The following RBFOX1 variants were observed in gnomAD, a reference collection of about 807,000 sequenced individuals.
RBFOX1 encodes the protein RNA binding protein fox-1 homolog 1.
RBFOX1 carries 8 observed loss-of-function variants against 57.7 expected under a neutral mutation model. The ratio of observed to expected loss-of-function variants is 0.14; its 90% confidence interval spans 0.08 to 0.25. RBFOX1 has a LOEUF of 0.25. Ranked by LOEUF, RBFOX1 falls within the 10% of genes least tolerant of loss-of-function variation. The pLI, the probability that RBFOX1 is intolerant of heterozygous loss-of-function variation, is 1.00. For missense variants in RBFOX1, 611 were observed against 548.5 expected (o/e 1.11, Z -1.14); for synonymous variants, 326 against 222.4 (o/e 1.47, Z -4.15).
intron 4 of RBFOX1, among the ~76,000 whole-genome samples, chr16:6,011,744 C>G (rs1334010562): frequency 2.0e-5 from 3 of 152,192 alleles, no homozygotes; most frequent in Admixed American, 2.0e-4. Context: ...GTGAGCAAAG[C>G]TGGTGACCAC....
At chr16:5,930,868 G>A (rs1194859375) in intron 4 of RBFOX1, among the ~76,000 whole-genome samples, 1 of 146,480 alleles carries the variant, frequency 6.8e-6, no homozygotes. Flanking sequence ...ATGGATGGAT[G>A]TATGGCTGGG....
chr16:7,457,347 G>T (rs2058728464), intron 4 of RBFOX1, among the ~76,000 whole-genome samples: 1 of 152,186 alleles, frequency 6.6e-6, no homozygotes, highest in South Asian at 2.1e-4. Flanking sequence ...TGGTGACCCA[G>T]TTCTGAATTC....
At chr16:7,450,790 T>G (rs1419889337) in intron 4 of RBFOX1, among the ~76,000 whole-genome samples, 2 of 151,990 alleles carry the variant, frequency 1.3e-5, no homozygotes, top group East Asian at 3.9e-4. Context: ...CAGTAGACAT[T>G]GAAGAGGCTC....
intron 4 of RBFOX1, among the ~76,000 whole-genome samples, chr16:7,300,458 C>T (rs1047511834): frequency 2.6e-5 from 4 of 152,208 alleles, no homozygotes; most frequent in African/African-American, 9.7e-5. Flanking sequence ...TTGTCGTCCA[C>T]ATTAAATTTG....
intron 2 of RBFOX1, among the ~76,000 whole-genome samples, chr16:6,520,276 G>A (rs1448012558): frequency 6.6e-6 from 1 of 152,148 alleles, no homozygotes; most frequent in Non-Finnish European, 1.5e-5. Flanking sequence ...GTATTGCTTT[G>A]TAGGTTGTTA....
At chr16:5,852,407 C>T (rs542241420) in intron 3 of RBFOX1, among the ~76,000 whole-genome samples, 4 of 152,280 alleles carry the variant, frequency 2.6e-5, no homozygotes, top group Admixed American at 6.5e-5. Context: ...GAGCCCCAGC[C>T]GGATGCTATG....
chr16:6,942,573 C>G (rs545915266), intron 3 of RBFOX1, among the ~76,000 whole-genome samples: 11 of 152,186 alleles, frequency 7.2e-5, no homozygotes, highest in African/African-American at 2.6e-4. Flanking sequence ...CAAGAGTAGA[C>G]TAAGGCAAGT....
intron 1 of RBFOX1, among the ~76,000 whole-genome samples, chr16:6,157,380 A>G (rs948065828): frequency 6.6e-6 from 1 of 152,090 alleles, no homozygotes; most frequent in Non-Finnish European, 1.5e-5. Context: ...AGAGTCAATG[A>G]ATATTTTTCC....
intron 3 of RBFOX1, among the ~76,000 whole-genome samples, chr16:6,677,609 C>G (rs2057956840): frequency 6.6e-6 from 1 of 152,156 alleles, no homozygotes; most frequent in Non-Finnish European, 1.5e-5. Flanking sequence ...CATTTTCAAT[C>G]AAAGATAAAA....
At position 7,001,754 on chromosome 16, in the gene RBFOX1, C is replaced by T. The variant is rs140096104; in HGVS notation, c.-15-50303C>T. On this transcript the variant is annotated intron_variant, in intron 3 of 15. Coordinates refer to ENST00000550418, the MANE Select transcript of RBFOX1 (RefSeq NM_018723.4). ...TCACAGGGATGCGTCAACACACTGG[C>T]CTCTATTATTTGTTTTTAGAAGCTT... 5.1e-4 allele frequency among the ~76,000 whole-genome samples: 77 copies of T among 152,018 alleles called. No homozygotes were observed. In the East Asian group the frequency reaches 0.013, roughly 25 times the overall value.
At chr16:7,149,577 C>T (rs184336597) in intron 4 of RBFOX1, among the ~76,000 whole-genome samples, 4 of 151,346 alleles carry the variant, frequency 2.6e-5, no homozygotes, top group African/African-American at 9.7e-5. Flanking sequence ...CCTCCTCCTC[C>T]CAGGCTCAAA....
At chr16:5,720,768 G>C (rs2051901664) in intron 3 of RBFOX1, among the ~76,000 whole-genome samples, 1 of 152,134 alleles carries the variant, frequency 6.6e-6, no homozygotes, top group South Asian at 2.1e-4. Context: ...TGGACTCTCA[G>C]TTCTAGTCCA....
intron 3 of RBFOX1, among the ~76,000 whole-genome samples, chr16:5,715,025 G>A (rs1469566734): frequency 3.3e-5 from 5 of 152,184 alleles, no homozygotes. Flanking sequence ...TCTGCCTTAG[G>A]TGAACATAAA....
chr16:7,704,929 C>G (rs770048565), intron 14 of RBFOX1, among the ~76,000 whole-genome samples: 1 of 151,936 alleles, frequency 6.6e-6, no homozygotes. Context: ...CGCCTGTAAT[C>G]CCAGCAACTG....
intron 3 of RBFOX1, among the ~76,000 whole-genome samples, chr16:6,920,437 T>C (rs555522662): frequency 5.9e-5 from 9 of 152,296 alleles, no homozygotes; most frequent in African/African-American, 1.7e-4. Context: ...ATGGCTTGTT[T>C]AAGTTGATAC....
intron 1 of RBFOX1, among the ~76,000 whole-genome samples, chr16:6,265,303 C>T (rs1157098541): frequency 6.6e-6 from 1 of 152,004 alleles, no homozygotes; most frequent in African/African-American, 2.4e-5. Context: ...GCTTTGTCAC[C>T]TAGGCTGGAG....
intron 3 of RBFOX1, among the ~76,000 whole-genome samples, chr16:5,664,219 C>G (rs2049756649): frequency 6.6e-6 from 1 of 152,284 alleles, no homozygotes; most frequent in South Asian, 2.1e-4. Flanking sequence ...GGTTCTCGAG[C>G]CAAGCTGTGC....
At chr16:7,483,683 A>G (rs148284921) in intron 4 of RBFOX1, among the ~76,000 whole-genome samples, 10 of 152,310 alleles carry the variant, frequency 6.6e-5, no homozygotes, top group African/African-American at 2.2e-4. Flanking sequence ...GGTATTTTAA[A>G]GGTGGGTTTT....
chr16:6,885,814 A>T (rs1423405215), intron 3 of RBFOX1, among the ~76,000 whole-genome samples: 1 of 152,218 alleles, frequency 6.6e-6, no homozygotes, highest in African/African-American at 2.4e-5. Context: ...TACGGGCATG[A>T]ATCACTGCAC....
Sources: gnomAD v4.1 joint callset for allele counts (sites outside exome capture counted in the v4.1 genomes callset) on GRCh38, gnomAD v4.1.1 for gene constraint, MANE v1.5 for transcripts, NCBI Gene and HGNC (gene_info 2026-07-23, HGNC 2026-07-21) for gene names.